ZPLD1: variants seen among roughly 807,000 people sequenced by gnomAD.
ZPLD1 encodes the protein zona pellucida like domain containing 1.
In ZPLD1, 34 loss-of-function variants were observed where a neutral mutation model predicts 47.2. The ratio of observed to expected loss-of-function variants is 0.72; its 90% CI spans 0.55 to 0.96. The LOEUF (loss-of-function observed/expected upper bound fraction) is 0.96. Among genes scored for constraint, ZPLD1 ranks in the 40% least tolerant of loss-of-function variants. ZPLD1 has a pLI of 0.00. For missense variants in ZPLD1, 512 were observed against 505.8 expected, an observed-to-expected ratio of 1.01 and a Z score of -0.12; for synonymous variants, 176 against 186.2, an observed-to-expected ratio of 0.95 and a Z score of 0.45.
chr3:102,385,342 G>A (rs1390018282), intron 6 of ZPLD1: 2 of 152,128 alleles, frequency 1.3e-5, no homozygotes, highest in African/African-American at 2.4e-5. Context: ...TTTTGATTTT[G>A]ACAGCACTCA....
intron 6 of ZPLD1, among the ~76,000 whole-genome samples, chr3:102,387,946 C>G (rs564688402): frequency 1.3e-5 from 2 of 150,376 alleles, no homozygotes; most frequent in Non-Finnish European, 3.0e-5. Flanking sequence ...CTGCAAGCTC[C>G]GCCTCCTGGG....
At chr3:102,467,569 C>A (rs1707615429) in intron 8 of ZPLD1, among the ~76,000 whole-genome samples, 1 of 151,974 alleles carries the variant, frequency 6.6e-6, no homozygotes, top group Non-Finnish European at 1.5e-5. Flanking sequence ...TACCACAAAT[C>A]AGTGGGATAA....
chr3:102,435,984 A>G (rs1480553487), intron 1 of ZPLD1, among the ~76,000 whole-genome samples: 1 of 152,238 alleles, frequency 6.6e-6, no homozygotes, highest in Non-Finnish European at 1.5e-5. Flanking sequence ...AATGGCTGAG[A>G]AGGGATTTAT....
At chr3:102,431,319 G>A (rs1707013259), upstream of ZPLD1, among the ~76,000 whole-genome samples, 1 of 152,134 alleles carries the variant, frequency 6.6e-6, no homozygotes, top group Admixed American at 6.5e-5. Flanking sequence ...ATTTCTGAAT[G>A]TCTTCTTGTT....
chr3:102,449,453 A>G (rs1489856051), intron 3 of ZPLD1, among the ~76,000 whole-genome samples: 1 of 149,348 alleles, frequency 6.7e-6, no homozygotes, highest in East Asian at 1.9e-4. Flanking sequence ...TACTAAGTGG[A>G]AAATTCCATA....
rs1707781277 is a variant in ZPLD1, at chr3:102,477,784, A to G, written c.*166A>G. 1.7e-6 allele frequency: 1 copy of G among 589,006 alleles called. No homozygotes were observed. The highest frequency in any genetic ancestry group is 1.9e-5 in the African/African-American group (1 of 51,790). 36.5% of individuals were successfully genotyped at this position (589,006 alleles called of 1,614,324 possible). ...ATAATGATAGTGAAAGAAGTTTATT[A>G]TATTGCTATTGTCACTTATGTACGT... On this transcript the variant is annotated 3_prime_UTR_variant, in exon 12 of 12. Transcript: ENST00000466937.
intron 10 of ZPLD1, among the ~76,000 whole-genome samples, chr3:102,473,208 C>T (rs1307381954): frequency 2.6e-5 from 4 of 152,112 alleles, no homozygotes; most frequent in Non-Finnish European, 4.4e-5. Flanking sequence ...CAAACCGTAT[C>T]GTTAGTGTAA....
intron 4 of ZPLD1, among the ~76,000 whole-genome samples, chr3:102,453,723 A>G (rs1707373611): frequency 6.6e-6 from 1 of 152,240 alleles, no homozygotes; most frequent in Non-Finnish European, 1.5e-5. Context: ...ATGAAATCCC[A>G]GTAGCACACT....
intron 7 of ZPLD1, among the ~76,000 whole-genome samples, chr3:102,397,556 T>C (rs1385651678): frequency 6.6e-6 from 1 of 152,078 alleles, no homozygotes; most frequent in East Asian, 1.9e-4. Context: ...GATGAAGCAT[T>C]TTAAAAATTA....
At chr3:102,459,089 CAAAAAAAAAA>C (rs767071660) in intron 6 of ZPLD1, among the ~76,000 whole-genome samples, 24 of 25,856 alleles carry the variant, frequency 9.3e-4, no homozygotes, top group East Asian at 4.8e-3. Flanking sequence ...GACTCCGTCT[CAAAAAAAAAA>C]AAAAAAAAAA....
intron 7 of ZPLD1, among the ~76,000 whole-genome samples, chr3:102,399,793 C>A (rs1341041960): frequency 1.3e-5 from 2 of 151,782 alleles, no homozygotes; most frequent in Non-Finnish European, 2.9e-5. Flanking sequence ...TAGATTTTTC[C>A]AAGTCAGAGA....
chr3:102,464,397 A>T (rs1471002182), intron 8 of ZPLD1, 146 bp downstream of exon 8: 1 of 560,602 alleles, frequency 1.8e-6, no homozygotes. Context: ...GAGTCCTTAT[A>T]AAGCTGAAAG....
chr3:102,433,650 C>G (rs1349275492), upstream of ZPLD1, among the ~76,000 whole-genome samples: 3 of 152,178 alleles, frequency 2.0e-5, no homozygotes, highest in Non-Finnish European at 4.4e-5. Context: ...GACTCAGCCT[C>G]CCGAGTAACT....
At chr3:102,466,712 A>C (rs1707598701) in intron 8 of ZPLD1, among the ~76,000 whole-genome samples, 1 of 152,170 alleles carries the variant, frequency 6.6e-6, no homozygotes, top group Admixed American at 6.5e-5. Flanking sequence ...AGGAGTGCAG[A>C]TCACAGCAGA....
In ZPLD1 at chr3:102,412,615, T is replaced by C. The variant is rs189298036; in HGVS notation, c.-156-5445T>C. ...ATATAGTGCTGTCACACATAATTTGTATTGTTCCAAGGAGGAAGAATAAGT... is the reference window on the plus strand; with the variant it reads ...ATATAGTGCTGTCACACATAATTTGCATTGTTCCAAGGAGGAAGAATAAGT... On this transcript the variant is annotated intron_variant, in intron 7 of 17. Coordinates refer to the ZPLD1 transcript ENST00000491959. Among the ~76,000 whole-genome samples, 106 of 151,934 alleles carry C rather than the reference T, an allele frequency of 7.0e-4. 2 individuals carry two copies. In the East Asian group the frequency reaches 0.019, roughly 27 times the overall value.
rs112773486 is a variant in ZPLD1 at position 102,438,493 on chromosome 3, A to G, written c.6A>G (p.Glu2=). The G allele has an allele frequency of 1.2e-6, 2 of 1,613,778 alleles. No individual in the cohort carries two copies. The highest frequency in any genetic ancestry group is 1.3e-5 in the African/African-American group (1 of 75,010). ...TCTCTTTTCCAGGTTTTGCAATGGA[A>G]CAAATATGGTTGCTGCTGCTTCTAA... The part of the protein sequence containing the change: M[E]QIWLLLLLTI... The change falls in exon 3 of 12, where the codon GAA becomes GAG. Residue 2 remains glutamate (E), a synonymous_variant. Transcript: ENST00000466937.
intron 7 of ZPLD1, among the ~76,000 whole-genome samples, chr3:102,394,178 CG>C (rs879498728): frequency 1.3e-5 from 2 of 152,026 alleles, no homozygotes; most frequent in Admixed American, 6.6e-5. Flanking sequence ...AAATTACCTA[CG>C]GAAGTTAGAG....
chr3:102,409,460 C>G (rs569322634), intron 7 of ZPLD1, among the ~76,000 whole-genome samples: 51 of 151,742 alleles, frequency 3.4e-4, no homozygotes, highest in African/African-American at 1.2e-3. Context: ...TAGCACATAC[C>G]CACACATATC....
intron 3 of ZPLD1, among the ~76,000 whole-genome samples, chr3:102,451,398 C>A (rs1707334909): frequency 6.6e-6 from 1 of 152,134 alleles, no homozygotes; most frequent in African/African-American, 2.4e-5. Context: ...GTCATTTCCC[C>A]ATTGAAAAGC....
Sources: gnomAD v4.1 joint callset for allele counts (sites outside exome capture counted in the v4.1 genomes callset) on GRCh38, gnomAD v4.1.1 for gene constraint, MANE v1.5 for transcripts, NCBI Gene and HGNC (gene_info 2026-07-23, HGNC 2026-07-21) for gene names.